The following NGLY1 variants were observed in gnomAD, a reference collection of about 807,000 sequenced individuals.
The protein encoded by NGLY1 is N-glycanase 1, also known as peptide-N(4)-(N-acetyl-beta-glucosaminyl)asparagine amidase.
NGLY1 carries 68 observed loss-of-function variants against 84.6 expected under a neutral mutation model. That is an observed-to-expected ratio of 0.80 (90% CI 0.66 to 0.98). NGLY1 has a LOEUF of 0.98. Among genes scored for constraint, NGLY1 ranks in the 50% least tolerant of loss-of-function variants. The pLI is 0.00. For missense variants in NGLY1, 779 were observed against 770.2 expected, an observed-to-expected ratio of 1.01 and a Z score of -0.14; for synonymous variants, 280 against 275.2, an observed-to-expected ratio of 1.02 and a Z score of -0.17.
At chr3:25,734,158 C>A in intron 7 of NGLY1, 176 bp from the exon 8 acceptor site, 1 of 728,634 alleles carries the variant, frequency 1.4e-6, no homozygotes, top group East Asian at 3.2e-5. Flanking sequence ...TCTCACTTCC[C>A]AGGGTCAAGA....
chr3:25,785,663 A>T (rs1027502998), upstream of NGLY1, among the ~76,000 whole-genome samples: 49 of 99,360 alleles, frequency 4.9e-4, 1 homozygote, highest in African/African-American at 1.7e-3. Flanking sequence ...GCAAGACCCC[A>T]TCTCTACAAA....
At chr3:25,785,167 C>T (rs573358495), upstream of NGLY1, among the ~76,000 whole-genome samples, 1 of 145,646 alleles carries the variant, frequency 6.9e-6, no homozygotes, top group African/African-American at 2.5e-5. Flanking sequence ...AAAGTCACAC[C>T]TACTTTTAAC....
chr3:25,731,575 C>T (rs1705537189), intron 9 of NGLY1, among the ~76,000 whole-genome samples: 1 of 152,012 alleles, frequency 6.6e-6, no homozygotes, highest in South Asian at 2.1e-4. Flanking sequence ...ACTCTATTAC[C>T]TAGCAATTCC....
chr3:25,783,421 C>T lies in NGLY1; in HGVS notation c.-31G>A, dbSNP rs1443510910. 5.3e-6 allele frequency: 8 copies of T among 1,517,420 alleles called. No individual in the cohort carries two copies. The African/African-American group carries it at 7.2e-5, about 14-fold the overall frequency. 94.0% of individuals were successfully genotyped at this position (1,517,420 alleles called of 1,614,324 possible). ...AGCGCCAGCGGGCGCCGCCGCCGCC[C>T]CTCGCTCTCCGCGTCCCACACTGAG... is the stretch of plus-strand genomic sequence containing the variant. On this transcript the variant is annotated 5_prime_UTR_variant, in exon 1 of 12. Transcript: ENST00000280700. This position sits in a 1 kb window ranked among gnomAD's most constrained non-coding sequence, Gnocchi z 4.5.
Position 25,727,687 on chromosome 3 carries a change from T to C in NGLY1, c.1611+1446A>G, listed in dbSNP as rs1705329019. Among the ~76,000 whole-genome samples, 3 of 152,208 alleles carry C rather than the reference T, an allele frequency of 2.0e-5. 1 individual carries two copies. In the South Asian group the frequency reaches 6.2e-4, roughly 31 times the overall value. On this transcript the variant is annotated intron_variant, in intron 10 of 11. Coordinates refer to ENST00000280700, the MANE Select transcript of NGLY1 (RefSeq NM_018297.4). ...TTTTTGTTTACGTAGCTGAGAATAA[T>C]GCCTGGCACAACAGTACAAGTTTGC...
In NGLY1 at chr3:25,736,014, G is replaced by C; in HGVS notation, c.1139C>G (p.Ser380Ter). Residue 380 changes from serine to a stop codon, truncating the protein, a stop_gained, in exon 7 of 12, where the codon TCA (serine) becomes TGA (stop). Coordinates refer to ENST00000280700, the MANE Select transcript of NGLY1 (RefSeq NM_018297.4). LOFTEE classifies it high-confidence loss of function. The part of the protein sequence containing the change: ...GKKLSYVIAF[S>*]KDEVVDVTWR... ...TCTTTTATGCTCTACCTCATCTTTT[G>C]AAAATGCTATGACATAGGAAAGCTT... The C allele has an allele frequency of 6.2e-7, 1 of 1,607,794 alleles. No homozygotes were observed. The highest frequency in any genetic ancestry group is 8.5e-7 in the Non-Finnish European group (1 of 1,178,002).
intron 3 of NGLY1, among the ~76,000 whole-genome samples, chr3:25,757,103 A>G (rs1289898177): frequency 1.3e-5 from 2 of 152,252 alleles, no homozygotes; most frequent in African/African-American, 4.8e-5. Context: ...AGTGCTTGAT[A>G]TATCTAAGAA....
At chr3:25,784,767 A>G (rs1036315017), upstream of NGLY1, among the ~76,000 whole-genome samples, 3 of 152,242 alleles carry the variant, frequency 2.0e-5, no homozygotes, top group African/African-American at 7.2e-5. Flanking sequence ...TTTAATAAAT[A>G]TGTAAATCTT....
chr3:25,721,748 C>CAAAAAA (rs59028606), intron 10 of NGLY1, among the ~76,000 whole-genome samples: 8 of 50,700 alleles, frequency 1.6e-4, no homozygotes, highest in African/African-American at 6.1e-4. Context: ...GACTCCATCT[C>CAAAAAA]AAAAAAAAAA....
intron 8 of NGLY1, 129 bp downstream of exon 8, chr3:25,733,743 G>T: frequency 2.1e-6 from 1 of 469,118 alleles, no homozygotes; most frequent in Non-Finnish European, 3.5e-6. Context: ...TATTCAAAAA[G>T]AATATTAAAA....
chr3:25,733,466 CGTGT>C (rs60529800), intron 8 of NGLY1, among the ~76,000 whole-genome samples: 17,003 of 133,826 alleles, frequency 0.13, 1,088 homozygotes, highest in East Asian at 0.21. Flanking sequence ...CTCACATGGA[CGTGT>C]GTGTGTGTGT....
chr3:25,734,648 G>T (rs1705725597), intron 7 of NGLY1: 1 of 314,908 alleles, frequency 3.2e-6, no homozygotes, highest in Non-Finnish European at 4.6e-6. Flanking sequence ...GGAGGCAGAG[G>T]TTGCAGTGAG....
At chr3:25,740,771 C>T (rs1706097925) in intron 4 of NGLY1, among the ~76,000 whole-genome samples, 1 of 152,016 alleles carries the variant, frequency 6.6e-6, no homozygotes, top group South Asian at 2.1e-4. Flanking sequence ...TGATAACCTT[C>T]CACAAATTAA....
At chr3:25,757,729 G>C (rs1410320431) in intron 3 of NGLY1, among the ~76,000 whole-genome samples, 1 of 152,208 alleles carries the variant, frequency 6.6e-6, no homozygotes, top group East Asian at 1.9e-4. Context: ...CAAAGGAGCT[G>C]TACAAGAAGG....
chr3:25,778,449 C>A, intron 2 of NGLY1, 125 bp downstream of exon 2: 1 of 494,110 alleles, frequency 2.0e-6, no homozygotes, highest in Non-Finnish European at 3.6e-6. Context: ...GAAGAAATAA[C>A]TACTTCTACT....
chr3:25,727,748 T>C (rs554587301), intron 10 of NGLY1, among the ~76,000 whole-genome samples: 1 of 152,316 alleles, frequency 6.6e-6, no homozygotes, highest in African/African-American at 2.4e-5. Context: ...AAAGAAGAAA[T>C]ACTCCATACA....
rs1441810495 is a variant in NGLY1 at position 25,755,400 on chromosome 3, T to C, written c.493-4137A>G. 11 of 1,416,048 alleles carry C rather than the reference T, an allele frequency of 7.8e-6. 1 individual carries two copies. In the Admixed American group the frequency reaches 1.0e-4, roughly 13 times the overall value. 87.7% of individuals were successfully genotyped at this position (1,416,048 alleles called of 1,614,324 possible). A position where few individuals can be genotyped will look rare whatever the true frequency, so the allele number is the denominator to read the frequency against. On this transcript the variant is annotated intron_variant, in intron 3 of 11. Coordinates refer to ENST00000280700, the MANE Select transcript of NGLY1 (RefSeq NM_018297.4). The stretch of plus-strand genomic sequence containing the variant: ...AGTAGCAAACCTACCACTCCTACTA[T>C]AGTGACCCCACAAACAGTGTCTGTC...
At chr3:25,769,096 C>G (rs568731788) in intron 2 of NGLY1, among the ~76,000 whole-genome samples, 1 of 152,112 alleles carries the variant, frequency 6.6e-6, no homozygotes, top group South Asian at 2.1e-4. Flanking sequence ...CATTGGCTCA[C>G]GCCTGTAATC....
Position 25,770,661 on chromosome 3 carries a change from G to A in NGLY1, c.247-6350C>T, listed in dbSNP as rs139767502. Among the ~76,000 whole-genome samples the A allele has an allele frequency of 1.4e-4, 21 of 152,208 alleles. No individual in the cohort carries two copies. The East Asian group carries it at 3.9e-3, about 28-fold the overall frequency. ...ACTCTCCATGCTGTTTTCCATAGGG[G>A]TCATACTAGTTTACATTCCCACCAA... On this transcript the variant is annotated intron_variant, in intron 2 of 11. Transcript: ENST00000280700.
Sources: gnomAD v4.1 joint callset for allele counts (sites outside exome capture counted in the v4.1 genomes callset) on GRCh38, gnomAD v4.1.1 for gene constraint, Gnocchi (gnomAD v3.1) non-coding constraint, MANE v1.5 for transcripts, NCBI Gene and HGNC (gene_info 2026-07-23, HGNC 2026-07-21) for gene names.